The following ZNF410 variants were observed in gnomAD, a reference collection of about 807,000 sequenced individuals.
ZNF410 encodes zinc finger protein 410, also known as another partner for ARF 1.
In ZNF410, 18 loss-of-function variants were observed where a neutral mutation model predicts 54.8. The ratio of observed to expected loss-of-function variants is 0.33; its 90% confidence interval spans 0.23 to 0.49. ZNF410 has a LOEUF of 0.49. Ranked by LOEUF, ZNF410 falls within the 20% of genes least tolerant of loss-of-function variation. ZNF410 has a pLI of 0.99. For synonymous variants in ZNF410, 191 were observed against 207.3 expected (o/e 0.92, Z 0.68); for missense variants, 405 against 569.6 (o/e 0.71, Z 2.94).
rs2055240347 is a variant in ZNF410, at chr14:73,892,179, T to A, written c.4T>A (p.Leu2Ile). 6.2e-7 allele frequency: 1 copy of A among 1,613,830 alleles called. No individual in the cohort carries two copies. The highest frequency in any genetic ancestry group is 1.3e-5 in the African/African-American group (1 of 74,904). The change falls in exon 2 of 12, where the codon TTA (leucine) becomes ATA (isoleucine). Residue 2 changes from leucine (L) to isoleucine (I), a missense_variant. Coordinates refer to ENST00000555044, the MANE Select transcript of ZNF410 (RefSeq NM_021188.3). The part of the protein sequence containing the change: M[L>I]SDELESKPEL... ...ACAGGTTTTGGAAGCTGAATCAATG[T>A]TATCAGATGAGTTAGAATCCAAACC...
At chr14:73,925,889 C>T (rs1318518028) in intron 11 of ZNF410, among the ~76,000 whole-genome samples, 1 of 152,004 alleles carries the variant, frequency 6.6e-6, no homozygotes, top group Non-Finnish European at 1.5e-5. Context: ...AAAAAATTAG[C>T]GGGACGTGGT....
chr14:73,896,463 C>G lies in ZNF410; in HGVS notation c.317C>G (p.Ser106Cys). 4 of 1,614,144 alleles carry G rather than the reference C, an allele frequency of 2.5e-6. No homozygotes were observed. Among genetic ancestry groups the G allele is most frequent in the Non-Finnish European group, 3.4e-6 (4 of 1,180,026 alleles). Residue 106 changes from serine (S) to cysteine (C), a missense_variant, in exon 4 of 12, where the codon TCT (serine) becomes TGT (cysteine). By Grantham distance (112) the Ser-to-Cys change is moderately radical (BLOSUM62 -1). This residue lies in a region of ZNF410 where 247 missense variants were observed against 342.8 expected (regional missense o/e 0.72). Transcript: ENST00000555044. ...CCGGAGTTTTTGTCCACTTCAGAGT[C>G]TTCTAGCTTGTTGCAAGATCTACAG... ...KSPEFLSTSE[S>C]SSLLQDLQPS...
chr14:73,906,699 G>A (rs1212629685), intron 7 of ZNF410, among the ~76,000 whole-genome samples: 1 of 151,746 alleles, frequency 6.6e-6, no homozygotes, highest in Non-Finnish European at 1.5e-5. Flanking sequence ...GGCTGTTCTC[G>A]AATTCCTGAC....
In ZNF410 at chr14:73,923,384, T is replaced by C. The variant is rs1452141895; in HGVS notation, c.1271-11T>C. 9.3e-6 allele frequency: 15 copies of C among 1,609,124 alleles called. No homozygotes were observed. The highest frequency in any genetic ancestry group is 1.3e-5 in the Non-Finnish European group (15 of 1,178,030). On this transcript the variant is annotated splice_polypyrimidine_tract_variant and intron_variant, in intron 10 of 11. Transcript: ENST00000555044. ...CACTTTTCATTGAAACATTTTTCTG[T>C]TGCTTCACAGAGGTGCTTGCTGAAG...
At position 73,920,976 on chromosome 14, in the gene ZNF410, T is replaced by A; in HGVS notation, c.1004-4T>A. 2 of 1,613,980 alleles carry A rather than the reference T, an allele frequency of 1.2e-6. No individual in the cohort carries two copies. Among genetic ancestry groups the A allele is most frequent in the Non-Finnish European group, 1.7e-6 (2 of 1,179,916 alleles). On this transcript the variant is annotated splice_polypyrimidine_tract_variant and splice_region_variant and intron_variant, in intron 8 of 11. Coordinates refer to ENST00000555044, the MANE Select transcript of ZNF410 (RefSeq NM_021188.3). ...TTCCTTGTTTAACCTGGTCCCTGTT[T>A]CAGGAGAGAAGCCTCATCAGTGCCA...
intron 8 of ZNF410, among the ~76,000 whole-genome samples, chr14:73,910,052 C>T (rs1320061815): frequency 6.6e-6 from 1 of 152,132 alleles, no homozygotes; most frequent in Non-Finnish European, 1.5e-5. Flanking sequence ...AACCAGAAGT[C>T]AGGTACAGCG....
chr14:73,891,928 T>G, intron 1 of ZNF410, 99 bp from the exon 2 acceptor site: 1 of 615,316 alleles, frequency 1.6e-6, no homozygotes, highest in Non-Finnish European at 2.9e-6. Context: ...TTTGCTTGCT[T>G]GTTGTGATTT....
chr14:73,898,958 C>T (rs543098806), intron 5 of ZNF410, among the ~76,000 whole-genome samples: 2 of 152,212 alleles, frequency 1.3e-5, no homozygotes, highest in Non-Finnish European at 2.9e-5. Context: ...AGCTTGAGAA[C>T]CACGGCTCTA....
intron 10 of ZNF410, among the ~76,000 whole-genome samples, chr14:73,923,105 G>A (rs2055778632): frequency 6.6e-6 from 1 of 152,120 alleles, no homozygotes; most frequent in South Asian, 2.1e-4. Context: ...TCCCTTACCT[G>A]CTTGCCTAAG....
At chr14:73,896,908 C>G (rs1595388066) in intron 4 of ZNF410, among the ~76,000 whole-genome samples, 1 of 152,190 alleles carries the variant, frequency 6.6e-6, no homozygotes, top group East Asian at 1.9e-4. Flanking sequence ...TGGTGCTTAT[C>G]AGCATTCAGG....
rs1367939697 is a variant in ZNF410 at position 73,932,422 on chromosome 14, A to G, written c.*881A>G. On this transcript the variant is annotated 3_prime_UTR_variant, in exon 12 of 12. Transcript: ENST00000555044. Reference sequence around the variant, plus strand: ...AGGAGTCTTAGGAAACAACAAGAACATCTTCATTTCTTAAGCCCAGGTGAT... The same window carrying G: ...AGGAGTCTTAGGAAACAACAAGAACGTCTTCATTTCTTAAGCCCAGGTGAT... 2.2e-6 allele frequency: 1 copy of G among 452,868 alleles called. No homozygotes were observed. Among genetic ancestry groups the G allele is most frequent in the Non-Finnish European group, 4.4e-6 (1 of 226,118 alleles). 28.1% of individuals were successfully genotyped at this position (452,868 alleles called of 1,614,324 possible). A position where few individuals can be genotyped will look rare whatever the true frequency, so the allele number is the denominator to read the frequency against.
At chr14:73,924,211 A>G (rs2055795467) in intron 11 of ZNF410, among the ~76,000 whole-genome samples, 1 of 152,130 alleles carries the variant, frequency 6.6e-6, no homozygotes. Flanking sequence ...TTAGATTCTG[A>G]TAAGGAGTGC....
At chr14:73,892,569 AT>A (rs2055248547) in intron 2 of ZNF410, among the ~76,000 whole-genome samples, 2 of 151,806 alleles carry the variant, frequency 1.3e-5, no homozygotes, top group African/African-American at 4.8e-5. Context: ...TGTTTATTTT[AT>A]ATATATCTGT....
chr14:73,892,220 C>G lies in ZNF410; in HGVS notation c.33+12C>G. 1 of 1,612,030 alleles carries G rather than the reference C, an allele frequency of 6.2e-7. No homozygotes were observed. ...AATCCAAACCAGAGGTGAGCCCAGT[C>G]AGCTTGTTTCCTTTTCTTTTGGTGG... On this transcript the variant is annotated intron_variant, in intron 2 of 11. Coordinates refer to ENST00000555044, the MANE Select transcript of ZNF410 (RefSeq NM_021188.3).
chr14:73,895,709 A>G (rs1165434262), intron 3 of ZNF410, among the ~76,000 whole-genome samples: 2 of 152,232 alleles, frequency 1.3e-5, no homozygotes, highest in African/African-American at 4.8e-5. Flanking sequence ...TCATGCCTAT[A>G]ATCCCAGCAC....
intron 11 of ZNF410, among the ~76,000 whole-genome samples, chr14:73,928,597 A>G (rs768177109): frequency 2.0e-5 from 3 of 152,270 alleles, no homozygotes; most frequent in East Asian, 1.9e-4. Flanking sequence ...ATCCATGTAT[A>G]ATAGGTGCTG....
chr14:73,904,723 A>G (rs2055456091), intron 6 of ZNF410, among the ~76,000 whole-genome samples, 179 bp from the exon 7 acceptor site: 1 of 152,134 alleles, frequency 6.6e-6, no homozygotes. Flanking sequence ...CCTCCAGAGT[A>G]GCTGGGATTA....
chr14:73,907,426 C>T (rs1323239858), intron 7 of ZNF410, among the ~76,000 whole-genome samples: 2 of 151,926 alleles, frequency 1.3e-5, no homozygotes, highest in Non-Finnish European at 2.9e-5. Context: ...GGTGAAACCC[C>T]ATCTCCACTA....
chr14:73,895,630 G>T (rs1253510846), intron 3 of ZNF410, among the ~76,000 whole-genome samples: 5 of 152,138 alleles, frequency 3.3e-5, no homozygotes, highest in Admixed American at 2.6e-4. Context: ...ATAGATAAAA[G>T]TAAATGAAAA....
Sources: gnomAD v4.1 joint callset for allele counts (sites outside exome capture counted in the v4.1 genomes callset) on GRCh38, gnomAD v4.1.1 for gene constraint, gnomAD v4.1.1 regional missense constraint, MANE v1.5 for transcripts, NCBI Gene and HGNC (gene_info 2026-07-23, HGNC 2026-07-21) for gene names.